Variants in NKAIN2 observed in about 807,000 individuals in gnomAD.
NKAIN2 encodes sodium/potassium-transporting ATPase subunit beta-1-interacting protein 2.
In NKAIN2, 14 loss-of-function variants were observed where a neutral mutation model predicts 32.6. The ratio of observed to expected loss-of-function variants is 0.43; its 90% CI spans 0.28 to 0.67. The LOEUF (loss-of-function observed/expected upper bound fraction) is 0.67, where lower values mean the gene tolerates loss of function less well. NKAIN2 is among the 30% of genes least tolerant of loss of function. NKAIN2 has a pLI of 0.17. For missense variants in NKAIN2, 198 were observed against 258.3 expected (o/e 0.77, Z 1.60); for synonymous variants, 80 against 87.2 (o/e 0.92, Z 0.46).
At chr6:123,931,194 T>C (rs1776237320) in intron 1 of NKAIN2, among the ~76,000 whole-genome samples, 1 of 151,914 alleles carries the variant, frequency 6.6e-6, no homozygotes, top group Non-Finnish European at 1.5e-5. Flanking sequence ...TCTGAAACAG[T>C]TCAATATTGT....
chr6:123,938,786 C>T (rs1038439262), intron 1 of NKAIN2, among the ~76,000 whole-genome samples: 1 of 151,200 alleles, frequency 6.6e-6, no homozygotes, highest in African/African-American at 2.4e-5. Context: ...TAGCCAGACT[C>T]TGTTGAATAT....
intron 1 of NKAIN2, among the ~76,000 whole-genome samples, chr6:124,205,597 A>G (rs1336045777): frequency 6.6e-6 from 1 of 151,564 alleles, no homozygotes; most frequent in Non-Finnish European, 1.5e-5. Flanking sequence ...GTCTGCATAT[A>G]AACAAAACTT....
rs190181083 is a variant in NKAIN2 at position 124,435,794 on chromosome 6, G to T, written c.273+80447G>T. Among the ~76,000 whole-genome samples the T allele has an allele frequency of 6.0e-3, 911 of 151,948 alleles. 4 individuals carry two copies. The highest frequency in any genetic ancestry group is 0.034 in the Middle Eastern group (10 of 294). ...TTTTTCTCAAATGCTTCTTTCTTAGGCTTACCTAATCCTTTATATTAAAAA... is the reference window on the plus strand; with the variant it reads ...TTTTTCTCAAATGCTTCTTTCTTAGTCTTACCTAATCCTTTATATTAAAAA... On this transcript the variant is annotated intron_variant, in intron 3 of 6. Transcript: ENST00000368417.
intron 1 of NKAIN2, among the ~76,000 whole-genome samples, chr6:123,882,428 G>A (rs1225798834): frequency 6.6e-6 from 1 of 152,012 alleles, no homozygotes; most frequent in Non-Finnish European, 1.5e-5. Context: ...TCCAATGATT[G>A]TTTTTAAGTC....
chr6:124,741,948 C>A (rs967597539), intron 4 of NKAIN2, among the ~76,000 whole-genome samples: 2 of 151,838 alleles, frequency 1.3e-5, no homozygotes, highest in African/African-American at 4.8e-5. Context: ...GAAATTCATT[C>A]TCCCATATTA....
chr6:124,258,121 T>C lies in NKAIN2; in HGVS notation c.55-24884T>C, dbSNP rs1397144416. Reference sequence around the variant, plus strand: ...AACAGGCATATGAAGCAGATGCTATTGTTTTACTCTTTTTCAAGATTAAAA... The same window carrying C: ...AACAGGCATATGAAGCAGATGCTATCGTTTTACTCTTTTTCAAGATTAAAA... On this transcript the variant is annotated intron_variant, in intron 1 of 6. Transcript: ENST00000368417. 8.3e-5 allele frequency among the ~76,000 whole-genome samples: 12 copies of C among 144,450 alleles called. No homozygotes were observed. In the East Asian group the frequency reaches 2.4e-3, roughly 29 times the overall value. 94.8% of individuals were successfully genotyped at this position (144,450 alleles called of 152,430 possible).
intron 1 of NKAIN2, among the ~76,000 whole-genome samples, chr6:123,869,742 C>T (rs1369093155): frequency 6.6e-6 from 1 of 152,042 alleles, no homozygotes; most frequent in Non-Finnish European, 1.5e-5. Flanking sequence ...GTTCTCTGTC[C>T]ATGATACCCA....
At chr6:123,884,810 A>C (rs917168157) in intron 1 of NKAIN2, among the ~76,000 whole-genome samples, 1 of 152,024 alleles carries the variant, frequency 6.6e-6, no homozygotes, top group Non-Finnish European at 1.5e-5. Flanking sequence ...ATAGTACTCT[A>C]TTTTACCCTA....
chr6:124,074,191 G>T (rs1203918243), intron 1 of NKAIN2, among the ~76,000 whole-genome samples: 1 of 152,154 alleles, frequency 6.6e-6, no homozygotes, highest in Admixed American at 6.6e-5. Flanking sequence ...TGCCCACCAG[G>T]AAAGCTCAAT....
intron 4 of NKAIN2, among the ~76,000 whole-genome samples, chr6:124,752,369 A>G (rs1165398725): frequency 6.6e-6 from 1 of 152,068 alleles, no homozygotes; most frequent in African/African-American, 2.4e-5. Flanking sequence ...TACTTTAGGC[A>G]TTAAGTAAAA....
At chr6:124,653,568 AG>A (rs1336931638) in intron 3 of NKAIN2, among the ~76,000 whole-genome samples, 1 of 152,096 alleles carries the variant, frequency 6.6e-6, no homozygotes, top group Non-Finnish European at 1.5e-5. Flanking sequence ...AAAATGACAC[AG>A]GAGAAAATCT....
chr6:124,437,871 G>GGTT lies in NKAIN2; in HGVS notation c.273+82524_273+82525insGTT, dbSNP rs751652394. The GGTT allele has an allele frequency of 3.9e-3, 1,361 of 345,032 alleles. 19 individuals carry two copies. Among genetic ancestry groups the GGTT allele is most frequent in the Middle Eastern group, 5.4e-3 (10 of 1,840 alleles). The allele number at this position is 345,032 out of a possible 1,614,324, so 21.4% of individuals were successfully genotyped here. ...TGTAGGGAATACGTACTGATCTATT[G>GGTT]ATTTTTTTTTTTTTTTTTTTCTTAA... On this transcript the variant is annotated intron_variant, in intron 3 of 6. Transcript: ENST00000368417.
chr6:124,290,554 G>GCGCA (rs796894560), intron 2 of NKAIN2, among the ~76,000 whole-genome samples: 7 of 149,010 alleles, frequency 4.7e-5, no homozygotes, highest in African/African-American at 1.5e-4. Flanking sequence ...GTGTGTGTGC[G>GCGCA]TCTGTGTTGC....
rs139645509 is a variant in NKAIN2 at position 124,621,051 on chromosome 6, T to C, written c.274-37135T>C. 6.3e-3 allele frequency among the ~76,000 whole-genome samples: 952 copies of C among 152,300 alleles called. 5 individuals are homozygous for C. Among genetic ancestry groups the C allele is most frequent in the Admixed American group, 8.6e-3 (132 of 15,292 alleles). ...GTGATTCTCAGCTTTGGCTGCACATTGGAATCACCTGGGGACCTTTAAGAA... is the reference window on the plus strand; with the variant it reads ...GTGATTCTCAGCTTTGGCTGCACATCGGAATCACCTGGGGACCTTTAAGAA... On this transcript the variant is annotated intron_variant, in intron 3 of 6. Transcript: ENST00000368417.
chr6:124,057,295 T>A, intron 1 of NKAIN2, among the ~76,000 whole-genome samples: 1 of 152,056 alleles, frequency 6.6e-6, no homozygotes, highest in Non-Finnish European at 1.5e-5. Flanking sequence ...ACTACATGTA[T>A]GTTTCTTTTT....
intron 1 of NKAIN2, among the ~76,000 whole-genome samples, chr6:123,953,401 C>A (rs1777416104): frequency 6.6e-6 from 1 of 152,138 alleles, no homozygotes; most frequent in Non-Finnish European, 1.5e-5. Flanking sequence ...GTGGGCCAGG[C>A]AGTTTGGTGG....
intron 3 of NKAIN2, among the ~76,000 whole-genome samples, chr6:124,513,134 A>G (rs919629556): frequency 3.3e-5 from 5 of 152,184 alleles, no homozygotes; most frequent in African/African-American, 1.2e-4. Flanking sequence ...ACTCCTTTTC[A>G]TCAACAACCA....
At chr6:124,662,639 G>A (rs143820807) in intron 4 of NKAIN2, among the ~76,000 whole-genome samples, 4 of 152,206 alleles carry the variant, frequency 2.6e-5, no homozygotes, top group Non-Finnish European at 5.9e-5. Context: ...TTTGCCATTT[G>A]TCTGGCTAAG....
intron 4 of NKAIN2, among the ~76,000 whole-genome samples, chr6:124,700,628 C>A (rs575328772): frequency 1.3e-3 from 198 of 152,130 alleles, no homozygotes; most frequent in African/African-American, 4.7e-3. Context: ...GTTGTGCCCC[C>A]AAAACAGTTA....
Sources: allele counts gnomAD v4.1 joint callset (sites outside exome capture counted in the v4.1 genomes callset), GRCh38; gene constraint gnomAD v4.1.1; transcripts MANE v1.5; gene names NCBI Gene and HGNC (gene_info 2026-07-23, HGNC 2026-07-21).